Variants in ANXA8 observed in about 807,000 individuals in gnomAD.
ANXA8 encodes the protein annexin A8, also known as VAC-beta.
Under a neutral mutation model 26.8 loss-of-function variants are expected in ANXA8, and 9 were observed. The ratio of observed to expected loss-of-function variants is 0.34; its 90% CI spans 0.20 to 0.59. The LOEUF (loss-of-function observed/expected upper bound fraction) is 0.59, where lower values mean the gene tolerates loss of function less well. Ranked by LOEUF, ANXA8 falls within the 20% of genes least tolerant of loss-of-function variation. The pLI, the probability that ANXA8 is intolerant of heterozygous loss-of-function variation, is 0.84. For synonymous variants in ANXA8, 39 were observed against 94.8 expected (o/e 0.41, Z 3.42); for missense variants, 83 against 238.5 (o/e 0.35, Z 4.29).
the ANXA8 span, among the ~76,000 whole-genome samples, chr10:47,977,334 G>A: frequency 6.7e-6 from 1 of 150,326 alleles, no homozygotes; most frequent in South Asian, 2.1e-4. Flanking sequence ...TGTGAAGAGG[G>A]GTGAGGTCTG....
chr10:47,748,601 T>A, the ANXA8 span, among the ~76,000 whole-genome samples: 4 of 152,298 alleles, frequency 2.6e-5, no homozygotes, highest in African/African-American at 9.6e-5. Context: ...ACACATTTCT[T>A]CTTTTCTTTT....
the ANXA8 span, among the ~76,000 whole-genome samples, chr10:47,743,293 T>TAC: frequency 3.1e-5 from 2 of 64,906 alleles, no homozygotes; most frequent in African/African-American, 1.2e-4. Context: ...CATATATATA[T>TAC]ACACATATAT....
At chr10:47,503,820 G>A in the ANXA8 span, among the ~76,000 whole-genome samples, 1 of 123,098 alleles carries the variant, frequency 8.1e-6, no homozygotes, top group Non-Finnish European at 1.6e-5. Context: ...TGTAATTCCA[G>A]TTACTCGGGA....
the ANXA8 span, among the ~76,000 whole-genome samples, chr10:47,700,897 C>T: frequency 1.3e-5 from 2 of 150,208 alleles, no homozygotes; most frequent in Admixed American, 1.3e-4. Flanking sequence ...GCCTGGGCAA[C>T]ATAGTGAGAC....
chr10:47,675,408 C>T, the ANXA8 span, among the ~76,000 whole-genome samples: 23 of 151,690 alleles, frequency 1.5e-4, 1 homozygote, highest in African/African-American at 5.4e-4. Context: ...GGTACTCCCA[C>T]AGTTTTAAAA....
At chr10:47,658,501 AC>A in the ANXA8 span, among the ~76,000 whole-genome samples, 2 of 148,098 alleles carry the variant, frequency 1.4e-5, no homozygotes, top group South Asian at 4.2e-4. Context: ...GCAGTACTTA[AC>A]ATATATAACC....
At chr10:47,511,231 C>T in the ANXA8 span, among the ~76,000 whole-genome samples, 9 of 141,502 alleles carry the variant, frequency 6.4e-5, 3 homozygotes, top group East Asian at 5.7e-4. Context: ...GCGTGAGCCA[C>T]GGCGCCCAGT....
At chr10:47,944,678 T>C in the ANXA8 span, among the ~76,000 whole-genome samples, 1 of 150,616 alleles carries the variant, frequency 6.6e-6, no homozygotes, top group African/African-American at 2.5e-5. Flanking sequence ...ACATGCTCTC[T>C]TTTGCCTGCC....
chr10:47,717,979 C>T, the ANXA8 span, among the ~76,000 whole-genome samples: 1 of 110,330 alleles, frequency 9.1e-6, no homozygotes, highest in East Asian at 3.0e-4. Flanking sequence ...GACTGGGTGA[C>T]AGAGCAATAC....
chr10:47,567,710 GTTAA>G, the ANXA8 span, among the ~76,000 whole-genome samples: 1 of 147,580 alleles, frequency 6.8e-6, no homozygotes, highest in Non-Finnish European at 1.5e-5. Flanking sequence ...ATTATTATTG[GTTAA>G]TTATTATTAT....
At chr10:47,676,654 G>A in the ANXA8 span, among the ~76,000 whole-genome samples, 605 of 151,732 alleles carry the variant, frequency 4.0e-3, 2 homozygotes, top group Non-Finnish European at 6.3e-3. Context: ...GTCCAGGCAC[G>A]GTGGCTCACA....
At chr10:47,750,080 A>C in the ANXA8 span, among the ~76,000 whole-genome samples, 1 of 151,796 alleles carries the variant, frequency 6.6e-6, no homozygotes, top group South Asian at 2.1e-4. Context: ...AGGAGAAATA[A>C]ACAAATTCAT....
chr10:47,495,054 C>T, the ANXA8 span, among the ~76,000 whole-genome samples: 1 of 149,758 alleles, frequency 6.7e-6, no homozygotes. Flanking sequence ...GAGCGAATAA[C>T]CACCTCTCCT....
chr10:47,946,695 T>A, the ANXA8 span, among the ~76,000 whole-genome samples: 1 of 149,230 alleles, frequency 6.7e-6, no homozygotes, highest in Non-Finnish European at 1.5e-5. Flanking sequence ...AGTTGCTAAC[T>A]TTTTTTTTAT....
At chr10:47,960,105 C>T in the ANXA8 span, among the ~76,000 whole-genome samples, 1 of 148,942 alleles carries the variant, frequency 6.7e-6, no homozygotes, top group Non-Finnish European at 1.5e-5. Context: ...GCCAAGCCAA[C>T]TCCTTCAACT....
chr10:47,726,688 C>T, the ANXA8 span, among the ~76,000 whole-genome samples: 4 of 152,228 alleles, frequency 2.6e-5, no homozygotes, highest in Non-Finnish European at 4.4e-5. Flanking sequence ...CCTTTTTTTC[C>T]TTCTAGGATG....
chr10:47,746,603 G>C, the ANXA8 span, among the ~76,000 whole-genome samples: 2 of 110,998 alleles, frequency 1.8e-5, no homozygotes, highest in Non-Finnish European at 3.8e-5. Context: ...ACTTGAACCT[G>C]GGAGGCGGAG....
chr10:47,539,308 CTCTA>C, the ANXA8 span: 3 of 216,770 alleles, frequency 1.4e-5, no homozygotes, highest in Non-Finnish European at 2.3e-5. Flanking sequence ...ACACGCATGT[CTCTA>C]TCTGACATGT....
the ANXA8 span, among the ~76,000 whole-genome samples, chr10:47,672,883 G>A: frequency 6.6e-6 from 1 of 151,568 alleles, no homozygotes; most frequent in Non-Finnish European, 1.5e-5. Flanking sequence ...AGGATAAGAA[G>A]TACGGTTTCT....
Sources: allele counts gnomAD v4.1 joint callset (sites outside exome capture counted in the v4.1 genomes callset), GRCh38; gene constraint gnomAD v4.1.1; transcripts MANE v1.5; gene names NCBI Gene and HGNC (gene_info 2026-07-23, HGNC 2026-07-21).